DIP2B: variants seen among roughly 807,000 people sequenced by gnomAD.
The protein encoded by DIP2B is DIP2 acetate--CoA ligase B (putative).
A neutral mutation model predicts 198.0 loss-of-function variants in DIP2B; 76 were observed. That is an observed-to-expected ratio of 0.38 (90% CI 0.32 to 0.46). The LOEUF is 0.46. Among genes scored for constraint, DIP2B ranks in the 20% least tolerant of loss-of-function variants. The probability of loss-of-function intolerance (pLI) is 0.99; values close to 1 mark genes in which losing one functional copy is unlikely to be tolerated. For missense variants in DIP2B, 1,559 were observed against 1,978.4 expected (o/e 0.79, Z 4.02); for synonymous variants, 701 against 739.1 (o/e 0.95, Z 0.84).
chr12:50,695,915 C>T lies in DIP2B; in HGVS notation c.1881C>T (p.Asp627=), dbSNP rs773151584. ...WAMMAHRDQR[D]VSLSSLRMLI... Reference sequence around the variant, plus strand: ...TGATGGCACATCGGGACCAAAGAGACGTGAGCTTGAGTTCCCTCCGAATGT... The same window carrying T: ...TGATGGCACATCGGGACCAAAGAGATGTGAGCTTGAGTTCCCTCCGAATGT... The change falls in exon 16 of 38, where the codon GAC becomes GAT. Residue 627 remains aspartate (D), a synonymous_variant. Transcript: ENST00000301180. The T allele has an allele frequency of 2.5e-5, 40 of 1,614,002 alleles. No homozygotes were observed. The highest frequency in any genetic ancestry group is 3.3e-5 in the Non-Finnish European group (39 of 1,179,986).
intron 3 of DIP2B, among the ~76,000 whole-genome samples, chr12:50,648,050 G>A (rs1938380755): frequency 6.6e-6 from 1 of 152,082 alleles, no homozygotes; most frequent in South Asian, 2.1e-4. Context: ...AGGTTGCAGT[G>A]AGCCAACATC....
chr12:50,662,978 G>A (rs1032110451), intron 4 of DIP2B, among the ~76,000 whole-genome samples: 1 of 152,104 alleles, frequency 6.6e-6, no homozygotes, highest in East Asian at 1.9e-4. Context: ...GTGTGGTGGT[G>A]CGTTCCTATA....
chr12:50,699,137 G>A lies in DIP2B; in HGVS notation c.2260G>A (p.Val754Ile), dbSNP rs1374347303. The change falls in exon 19 of 38, where the codon GTT becomes ATT. Residue 754 changes from valine to isoleucine, a missense_variant. Coordinates refer to ENST00000301180, the MANE Select transcript of DIP2B (RefSeq NM_173602.3). ...CKTDEIGEIC[V>I]SSRTGGMMYF... is the part of the protein sequence containing the mutation. ...AACAGATGAAATTGGAGAAATCTGT[G>A]TTAGCTCCAGAACTGGAGGCATGAT... 6.8e-6 allele frequency: 11 copies of A among 1,614,080 alleles called. No homozygotes were observed. Among genetic ancestry groups the A allele is most frequent in the Non-Finnish European group, 6.8e-6 (8 of 1,180,042 alleles).
At chr12:50,609,106 C>T (rs906095094) in intron 1 of DIP2B, among the ~76,000 whole-genome samples, 1 of 151,992 alleles carries the variant, frequency 6.6e-6, no homozygotes, top group Non-Finnish European at 1.5e-5. Context: ...GCACTCTAGC[C>T]TGTCTGACAG....
chr12:50,515,453 A>G (rs1179089308), intron 1 of DIP2B, among the ~76,000 whole-genome samples: 2 of 151,278 alleles, frequency 1.3e-5, no homozygotes, highest in Admixed American at 6.6e-5. Flanking sequence ...CTAGTCTCAA[A>G]CTCCTGACCT....
chr12:50,671,010 A>G (rs777248868), intron 4 of DIP2B, among the ~76,000 whole-genome samples, 176 bp from the exon 5 acceptor site: 7 of 152,216 alleles, frequency 4.6e-5, no homozygotes, highest in African/African-American at 7.2e-5. Context: ...TTATTTTTGT[A>G]GGCTTTGGTC....
chr12:50,617,535 G>A (rs1304738448), intron 1 of DIP2B, among the ~76,000 whole-genome samples: 3 of 151,940 alleles, frequency 2.0e-5, no homozygotes, highest in African/African-American at 7.2e-5. Context: ...GGGGTCAGGG[G>A]CAGTGGCTCA....
At chr12:50,627,322 A>C (rs1937954127) in intron 2 of DIP2B, among the ~76,000 whole-genome samples, 1 of 152,194 alleles carries the variant, frequency 6.6e-6, no homozygotes, top group Non-Finnish European at 1.5e-5. Context: ...AAATCAATTT[A>C]TTAATTTACT....
At chr12:50,714,913 C>T (rs1486067718) in intron 23 of DIP2B, among the ~76,000 whole-genome samples, 4 of 151,980 alleles carry the variant, frequency 2.6e-5, no homozygotes, top group Admixed American at 6.6e-5. Context: ...CTAATCTGGG[C>T]GACAGAACCA....
Position 50,737,249 on chromosome 12 carries a change from A to G in DIP2B, c.4176+139A>G, listed in dbSNP as rs955867289. On this transcript the variant is annotated intron_variant, in intron 35 of 37. Transcript: ENST00000301180. ...TTAATTTTTTTCTGTAAGGCATGAG[A>G]CTGAAATTGACAGAAGAGGGAGATT... The G allele has an allele frequency of 1.2e-5, 9 of 735,228 alleles. No homozygotes were observed. In the African/African-American group the frequency reaches 1.3e-4, roughly 10 times the overall value. The allele number at this position is 735,228 out of a possible 1,614,324, so 45.5% of individuals were successfully genotyped here. A position where few individuals can be genotyped will look rare whatever the true frequency, so the allele number is the denominator to read the frequency against.
At chr12:50,664,487 A>G (rs887874392) in intron 4 of DIP2B, among the ~76,000 whole-genome samples, 5 of 152,058 alleles carry the variant, frequency 3.3e-5, no homozygotes, top group Non-Finnish European at 5.9e-5. Flanking sequence ...AGTTCCCTTT[A>G]TGTGCTGAAA....
intron 1 of DIP2B, among the ~76,000 whole-genome samples, chr12:50,554,759 TC>T (rs555075210): frequency 1.1e-4 from 17 of 149,276 alleles, no homozygotes; most frequent in Admixed American, 4.1e-4. Flanking sequence ...ATCTCGCCGC[TC>T]CCCCCCCGCC....
rs1223242213 is a variant in DIP2B at position 50,747,450 on chromosome 12, T to TC, written c.*2612dup. ...GGCTAAGAACTGTCCTTGAGGAACT[T>TC]CATCAGTAACTCTGGTAAAGCATCC... On this transcript the variant is annotated 3_prime_UTR_variant, in exon 38 of 38. Transcript: ENST00000301180. 6.6e-6 allele frequency: 1 copy of TC among 152,244 alleles called. No homozygotes were observed. Among genetic ancestry groups the TC allele is most frequent in the African/African-American group, 2.4e-5 (1 of 41,464 alleles). 9.4% of individuals were successfully genotyped at this position (152,244 alleles called of 1,614,324 possible). A position where few individuals can be genotyped will look rare whatever the true frequency, so the allele number is the denominator to read the frequency against.
At chr12:50,598,555 C>G (rs901092569) in intron 1 of DIP2B, among the ~76,000 whole-genome samples, 1 of 151,950 alleles carries the variant, frequency 6.6e-6, no homozygotes, top group Non-Finnish European at 1.5e-5. Context: ...GTGACTGCCA[C>G]TGCGTCATCT....
chr12:50,589,084 T>C (rs1958796125), intron 1 of DIP2B, among the ~76,000 whole-genome samples: 1 of 151,644 alleles, frequency 6.6e-6, no homozygotes, highest in African/African-American at 2.4e-5. Flanking sequence ...CTCGGGAGGC[T>C]GAGGCAGGAG....
chr12:50,606,991 A>G (rs1958987321), intron 1 of DIP2B, among the ~76,000 whole-genome samples: 1 of 151,544 alleles, frequency 6.6e-6, no homozygotes, highest in African/African-American at 2.4e-5. Flanking sequence ...TTTTGTAGAG[A>G]TGAGGTCTCA....
At chr12:50,558,512 C>T (rs184657735) in intron 1 of DIP2B, among the ~76,000 whole-genome samples, 5 of 152,278 alleles carry the variant, frequency 3.3e-5, no homozygotes, top group African/African-American at 1.2e-4. Context: ...TGAGGCCACA[C>T]TGTTTGCAGC....
At chr12:50,608,959 T>C (rs1959008180) in intron 1 of DIP2B, among the ~76,000 whole-genome samples, 1 of 152,112 alleles carries the variant, frequency 6.6e-6, no homozygotes, top group African/African-American at 2.4e-5. Flanking sequence ...CTGGCCAATA[T>C]GGTGAAACCC....
At chr12:50,669,318 A>G (rs1271603011) in intron 4 of DIP2B, among the ~76,000 whole-genome samples, 1 of 152,204 alleles carries the variant, frequency 6.6e-6, no homozygotes, top group East Asian at 1.9e-4. Flanking sequence ...ACTTTTTAAA[A>G]AGCAAAAACA....
Sources: gnomAD v4.1 joint callset for allele counts (sites outside exome capture counted in the v4.1 genomes callset) on GRCh38, gnomAD v4.1.1 for gene constraint, MANE v1.5 for transcripts, NCBI Gene and HGNC (gene_info 2026-07-23, HGNC 2026-07-21) for gene names.